Variants in WDFY2 observed in about 807,000 individuals in gnomAD.
WDFY2 encodes the protein WD repeat and FYVE domain containing 2.
Under a neutral mutation model 56.4 loss-of-function variants are expected in WDFY2, and 36 were observed. That is an observed-to-expected ratio of 0.64 (90% CI 0.49 to 0.84). WDFY2 has a LOEUF of 0.84. WDFY2 is among the 40% of genes least tolerant of loss of function. The pLI, the probability that WDFY2 is intolerant of heterozygous loss-of-function variation, is 0.00. For synonymous variants in WDFY2, 176 were observed against 183.7 expected (o/e 0.96, Z 0.34); for missense variants, 444 against 512.2 (o/e 0.87, Z 1.29).
intron 1 of WDFY2, chr13:51,588,648 G>A (rs1953988655): frequency 6.6e-6 from 1 of 151,982 alleles, no homozygotes; most frequent in Non-Finnish European, 1.5e-5. Context: ...TTCCTGTAGA[G>A]GAAAGGGCAT....
At chr13:51,744,837 G>A (rs552983287) in intron 7 of WDFY2, among the ~76,000 whole-genome samples, 10 of 152,130 alleles carry the variant, frequency 6.6e-5, no homozygotes, top group South Asian at 4.1e-4. Flanking sequence ...TTCATTCTTC[G>A]TAACCCCTAA....
chr13:51,717,928 C>G (rs1427625105), intron 4 of WDFY2, among the ~76,000 whole-genome samples: 1 of 152,156 alleles, frequency 6.6e-6, no homozygotes, highest in East Asian at 1.9e-4. Flanking sequence ...TGTATGGTAG[C>G]AATCCCAAAG....
At chr13:51,604,975 C>G (rs1954357044) in intron 1 of WDFY2, among the ~76,000 whole-genome samples, 1 of 152,164 alleles carries the variant, frequency 6.6e-6, no homozygotes, top group Non-Finnish European at 1.5e-5. Context: ...TGCTCTCAGA[C>G]AAGGTACTTA....
intron 4 of WDFY2, among the ~76,000 whole-genome samples, chr13:51,718,559 T>TACACACACACAC (rs71192015): frequency 1.9e-4 from 26 of 138,758 alleles, no homozygotes; most frequent in East Asian, 1.5e-3. Flanking sequence ...TTATCATTCA[T>TACACACACACAC]ACACACACAC....
intron 4 of WDFY2, among the ~76,000 whole-genome samples, chr13:51,706,111 C>T (rs530396893): frequency 6.6e-6 from 1 of 152,238 alleles, no homozygotes; most frequent in Admixed American, 6.5e-5. Flanking sequence ...CATATAAGTT[C>T]ATTTTATCTA....
chr13:51,605,042 A>G (rs546948973), intron 1 of WDFY2, among the ~76,000 whole-genome samples: 7 of 152,368 alleles, frequency 4.6e-5, no homozygotes, highest in Middle Eastern at 6.8e-3. Flanking sequence ...GATGGATGCA[A>G]TATTGCAGGA....
At chr13:51,696,025 C>T (rs765253359) in intron 3 of WDFY2, among the ~76,000 whole-genome samples, 23 of 152,214 alleles carry the variant, frequency 1.5e-4, no homozygotes, top group Non-Finnish European at 2.6e-4. Context: ...TAAAGCCCAT[C>T]GGAAAAGTGC....
At chr13:51,636,601 G>C (rs1012808628) in intron 1 of WDFY2, among the ~76,000 whole-genome samples, 1 of 152,198 alleles carries the variant, frequency 6.6e-6, no homozygotes, top group Admixed American at 6.5e-5. Flanking sequence ...ATAAAGACAG[G>C]ATACAGTACA....
chr13:51,678,150 A>ACGGT (rs1437490999), intron 3 of WDFY2, among the ~76,000 whole-genome samples: 2 of 152,138 alleles, frequency 1.3e-5, no homozygotes, highest in African/African-American at 4.8e-5. Flanking sequence ...GAGCCCTACC[A>ACGGT]ATTGAAATTA....
chr13:51,679,492 A>T (rs192250080), intron 3 of WDFY2, among the ~76,000 whole-genome samples: 1 of 152,236 alleles, frequency 6.6e-6, no homozygotes, highest in South Asian at 2.1e-4. Flanking sequence ...TTTGATTGGG[A>T]TGAGAGGATT....
intron 2 of WDFY2, among the ~76,000 whole-genome samples, chr13:51,667,498 A>C (rs950710638): frequency 6.6e-6 from 1 of 152,194 alleles, no homozygotes; most frequent in Non-Finnish European, 1.5e-5. Context: ...GGAAAAGTTC[A>C]TGTGGGTATA....
At chr13:51,627,151 A>C (rs984514063) in intron 1 of WDFY2, among the ~76,000 whole-genome samples, 3 of 152,192 alleles carry the variant, frequency 2.0e-5, no homozygotes, top group Non-Finnish European at 1.5e-5. Context: ...ACATGGTGGC[A>C]CCTGGAAGCT....
chr13:51,759,589 G>T, intron 11 of WDFY2, 151 bp from the exon 12 acceptor site: 1 of 615,978 alleles, frequency 1.6e-6, no homozygotes, highest in South Asian at 3.3e-5. Flanking sequence ...CTTTTTTGAT[G>T]AAAAAAATAT....
intron 1 of WDFY2, among the ~76,000 whole-genome samples, chr13:51,597,437 GTT>G (rs1954172063): frequency 6.6e-6 from 1 of 152,198 alleles, no homozygotes; most frequent in Non-Finnish European, 1.5e-5. Context: ...GCAATGAACT[GTT>G]TTCACATTGC....
chr13:51,736,634 A>C (rs1249619787), intron 6 of WDFY2, among the ~76,000 whole-genome samples: 1 of 152,220 alleles, frequency 6.6e-6, no homozygotes. Flanking sequence ...CTGGAACTAC[A>C]GGTGCGCGCC....
At chr13:51,659,699 C>T (rs1231871188) in intron 1 of WDFY2, among the ~76,000 whole-genome samples, 1 of 152,170 alleles carries the variant, frequency 6.6e-6, no homozygotes, top group African/African-American at 2.4e-5. Flanking sequence ...CCTGGAACTT[C>T]ATGCACAGCC....
At chr13:51,588,131 G>C (rs1240178011) in intron 1 of WDFY2, 1 of 152,198 alleles carries the variant, frequency 6.6e-6, no homozygotes, top group East Asian at 1.9e-4. Flanking sequence ...TATACCCAAA[G>C]GGCATACCAA....
intron 6 of WDFY2, among the ~76,000 whole-genome samples, chr13:51,728,432 T>G (rs1952651393): frequency 6.6e-6 from 1 of 152,210 alleles, no homozygotes; most frequent in Admixed American, 6.5e-5. Flanking sequence ...ACTAGTAGTT[T>G]TAACGTGTAC....
At chr13:51,603,069 C>G (rs188211193) in intron 1 of WDFY2, among the ~76,000 whole-genome samples, 48 of 152,146 alleles carry the variant, frequency 3.2e-4, no homozygotes, top group Non-Finnish European at 2.9e-5. Flanking sequence ...AGGCCTGGGA[C>G]TTTTATGACT....
Sources: gnomAD v4.1 joint callset for allele counts (sites outside exome capture counted in the v4.1 genomes callset) on GRCh38, gnomAD v4.1.1 for gene constraint, MANE v1.5 for transcripts, NCBI Gene and HGNC (gene_info 2026-07-23, HGNC 2026-07-21) for gene names.